The following CFAP20DC variants were observed in gnomAD, a reference collection of about 807,000 sequenced individuals.
CFAP20DC encodes the protein CFAP20 domain containing, also known as protein CFAP20DC.
Under a neutral mutation model 101.7 loss-of-function variants are expected in CFAP20DC, and 84 were observed. That is an observed-to-expected ratio of 0.83 (90% CI 0.69 to 0.99). CFAP20DC has a LOEUF of 0.99. Among genes scored for constraint, CFAP20DC ranks in the 50% least tolerant of loss-of-function variants. The pLI is 0.00. For missense variants in CFAP20DC, 1,007 were observed against 970.3 expected (o/e 1.04, Z -0.50); for synonymous variants, 359 against 351.2 (o/e 1.02, Z -0.25).
At chr3:58,948,241 C>T (rs913558373) in intron 4 of CFAP20DC, among the ~76,000 whole-genome samples, 5 of 152,228 alleles carry the variant, frequency 3.3e-5, no homozygotes, top group African/African-American at 1.2e-4. Flanking sequence ...ATTTTCATGC[C>T]TTTGCTTATG....
At chr3:58,730,149 A>G (rs1188616950) in intron 3 of CFAP20DC, among the ~76,000 whole-genome samples, 1 of 152,198 alleles carries the variant, frequency 6.6e-6, no homozygotes, top group Non-Finnish European at 1.5e-5. Context: ...AGAATAAATA[A>G]GCTTTTGAGA....
At position 58,742,344 on chromosome 3, in the gene CFAP20DC, A is replaced by G. The variant is rs1024648070; in HGVS notation, c.*116T>C. The G allele has an allele frequency of 2.3e-6, 3 of 1,295,834 alleles. No individual in the cohort carries two copies. Among genetic ancestry groups the G allele is most frequent in the Non-Finnish European group, 3.0e-6 (3 of 1,012,970 alleles). The allele number at this position is 1,295,834 out of a possible 1,614,324, so 80.3% of individuals were successfully genotyped here. ...TTTACAAAATGAATTCGTTTCTCTC[A>G]GTTACTGTTGATTTTGTGGTCACCC... On this transcript the variant is annotated 3_prime_UTR_variant, in exon 17 of 17. Coordinates refer to ENST00000482387, the MANE Select transcript of CFAP20DC (RefSeq NM_001394063.1).
chr3:58,761,900 G>C (rs977540714), intron 15 of CFAP20DC, among the ~76,000 whole-genome samples: 5 of 152,142 alleles, frequency 3.3e-5, no homozygotes, highest in African/African-American at 1.2e-4. Context: ...TGGTCTGAGA[G>C]ACAGTTTGTT....
At position 59,015,221 on chromosome 3, in the gene CFAP20DC, T is replaced by C. The variant is rs1478520507; in HGVS notation, c.278+24336A>G. On this transcript the variant is annotated intron_variant, in intron 4 of 16. Transcript: ENST00000482387. The surrounding 1 kb of genome is among the most constrained non-coding windows in gnomAD (Gnocchi z 5.4). ...TAGTTAGCAGCCAGGATGATAGAACTAGCATTTACCATTTCCTGTGGCCCT... is the reference window on the plus strand; with the variant it reads ...TAGTTAGCAGCCAGGATGATAGAACCAGCATTTACCATTTCCTGTGGCCCT... Among the ~76,000 whole-genome samples, 1 of 152,034 alleles carries C rather than the reference T, an allele frequency of 6.6e-6. No homozygotes were observed. Among genetic ancestry groups the C allele is most frequent in the Non-Finnish European group, 1.5e-5 (1 of 67,998 alleles).
chr3:58,823,221 C>T (rs1222358459), intron 14 of CFAP20DC, among the ~76,000 whole-genome samples: 1 of 152,016 alleles, frequency 6.6e-6, no homozygotes, highest in South Asian at 2.1e-4. Flanking sequence ...GAGGCCTTGG[C>T]GATGAATCCA....
rs534049134 is a variant in CFAP20DC, at chr3:59,020,027, T to C, written c.278+19530A>G. ...ATATTTAGCCAGAGATTAAAAAGATTTGCAAAAATATAAAATAATGCCACT... is the reference window on the plus strand; with the variant it reads ...ATATTTAGCCAGAGATTAAAAAGATCTGCAAAAATATAAAATAATGCCACT... On this transcript the variant is annotated intron_variant, in intron 4 of 16. Transcript: ENST00000482387. Among the ~76,000 whole-genome samples the C allele has an allele frequency of 4.6e-5, 7 of 152,220 alleles. 1 individual carries two copies. In the South Asian group the frequency reaches 1.5e-3, roughly 32 times the overall value.
chr3:58,727,448 T>C (rs1430568004), intron 3 of CFAP20DC: 1 of 152,454 alleles, frequency 6.6e-6, no homozygotes, highest in Admixed American at 6.5e-5. Flanking sequence ...TTCTTTTCTT[T>C]TTTTTTGAGA....
At position 58,874,778 on chromosome 3, in the gene CFAP20DC, CAT is replaced by C. The variant is rs1297820840; in HGVS notation, c.716-4471_716-4470del. Among the ~76,000 whole-genome samples, 1 of 152,186 alleles carries C rather than the reference CAT, an allele frequency of 6.6e-6. No individual in the cohort carries two copies. The highest frequency in any genetic ancestry group is 1.5e-5 in the Non-Finnish European group (1 of 68,044). ...AACTTGTCAGAATTGAACTTTTACA[CAT>C]GTCCATGGGATTCTCTAATTAATGT... On this transcript the variant is annotated intron_variant, in intron 7 of 16. Coordinates refer to ENST00000482387, the MANE Select transcript of CFAP20DC (RefSeq NM_001394063.1). This position sits in a 1 kb window ranked among gnomAD's most constrained non-coding sequence, Gnocchi z 5.1.
chr3:58,930,367 T>A (rs2086476395), intron 5 of CFAP20DC, among the ~76,000 whole-genome samples: 1 of 152,216 alleles, frequency 6.6e-6, no homozygotes, highest in African/African-American at 2.4e-5. Flanking sequence ...AGCACAGAAC[T>A]GACTGTGTGG....
At chr3:58,772,425 T>C (rs929924080) in intron 15 of CFAP20DC, among the ~76,000 whole-genome samples, 2 of 152,164 alleles carry the variant, frequency 1.3e-5, no homozygotes, top group Non-Finnish European at 2.9e-5. Flanking sequence ...TATTGATACA[T>C]AGTAGCTTGG....
chr3:58,805,210 T>A (rs1477813362), intron 15 of CFAP20DC, among the ~76,000 whole-genome samples: 1 of 152,208 alleles, frequency 6.6e-6, no homozygotes, highest in Non-Finnish European at 1.5e-5. Flanking sequence ...TGAACTGTGA[T>A]ATGTAAACTC....
chr3:58,817,087 T>C (rs972190832), intron 14 of CFAP20DC, among the ~76,000 whole-genome samples: 1 of 151,786 alleles, frequency 6.6e-6, no homozygotes, highest in Non-Finnish European at 1.5e-5. Context: ...GTCTTGTCTG[T>C]TAGAAGGAAA....
intron 4 of CFAP20DC, among the ~76,000 whole-genome samples, chr3:59,030,320 C>T (rs1323544507): frequency 6.6e-6 from 1 of 152,210 alleles, no homozygotes; most frequent in Non-Finnish European, 1.5e-5. Context: ...ACAATCCATA[C>T]TTGTTATTCC....
chr3:59,013,766 A>C lies in CFAP20DC; in HGVS notation c.278+25791T>G, dbSNP rs1018029728. Among the ~76,000 whole-genome samples, 3 of 152,200 alleles carry C rather than the reference A, an allele frequency of 2.0e-5. No individual in the cohort carries two copies. The South Asian group carries it at 6.2e-4, about 31-fold the overall frequency. ...GCAAAGAGGTAACAAAATTCACAGA[A>C]CTAAGCATTTAACAATTGGCTACCA... On this transcript the variant is annotated intron_variant, in intron 4 of 16. Transcript: ENST00000482387.
At chr3:58,910,868 C>T (rs2084082055) in intron 6 of CFAP20DC, among the ~76,000 whole-genome samples, 1 of 151,864 alleles carries the variant, frequency 6.6e-6, no homozygotes, top group African/African-American at 2.4e-5. Flanking sequence ...TACCCAATGT[C>T]CATCATTAAC....
intron 4 of CFAP20DC, chr3:59,018,293 T>C (rs1362163146): frequency 6.6e-6 from 1 of 152,148 alleles, no homozygotes; most frequent in Non-Finnish European, 1.5e-5. Context: ...TAATAATTAG[T>C]TCAGGCAAGA....
chr3:58,948,444 G>A (rs1009490538), intron 4 of CFAP20DC, among the ~76,000 whole-genome samples: 1 of 152,102 alleles, frequency 6.6e-6, no homozygotes, highest in Non-Finnish European at 1.5e-5. Context: ...CCCCTTTGTG[G>A]TTTTGGTCCA....
rs1427753433 is a variant in CFAP20DC, at chr3:58,731,148, G to A, written c.198-13520C>T. On this transcript the variant is annotated intron_variant, in intron 3 of 3. Transcript: ENST00000486145. The stretch of plus-strand genomic sequence containing the variant: ...GATAATTTTCTGAAACTTTCCTTTC[G>A]TGGATGTGGCTGTATCCCTTATCAG... 5.3e-5 allele frequency among the ~76,000 whole-genome samples: 8 copies of A among 152,282 alleles called. No homozygotes were observed. In the East Asian group the frequency reaches 1.5e-3, roughly 29 times the overall value.
At chr3:58,816,895 A>C (rs898846203) in intron 14 of CFAP20DC, among the ~76,000 whole-genome samples, 1 of 152,188 alleles carries the variant, frequency 6.6e-6, no homozygotes, top group Non-Finnish European at 1.5e-5. Context: ...TCCCTGTCTG[A>C]CAGCTTGGAA....
Sources: allele counts gnomAD v4.1 joint callset (sites outside exome capture counted in the v4.1 genomes callset), GRCh38; gene constraint gnomAD v4.1.1; non-coding constraint Gnocchi (gnomAD v3.1); transcripts MANE v1.5; gene names NCBI Gene and HGNC (gene_info 2026-07-23, HGNC 2026-07-21).